RTF2: variants seen among roughly 807,000 people sequenced by gnomAD.
RTF2 encodes the protein UPF0549 protein C20orf43.
Under a neutral mutation model 38.0 loss-of-function variants are expected in RTF2, and 18 were observed. The ratio of observed to expected loss-of-function variants is 0.47; its 90% CI spans 0.33 to 0.70. The LOEUF is 0.70. Among genes scored for constraint, RTF2 ranks in the 30% least tolerant of loss-of-function variants. The probability of loss-of-function intolerance (pLI) is 0.02; values close to 1 mark genes in which losing one functional copy is unlikely to be tolerated. For missense variants in RTF2, 311 were observed against 379.6 expected (o/e 0.82, Z 1.50); for synonymous variants, 126 against 137.1 (o/e 0.92, Z 0.57).
intron 4 of RTF2, among the ~76,000 whole-genome samples, chr20:56,482,877 A>C (rs1982593228): frequency 6.6e-6 from 1 of 152,192 alleles, no homozygotes; most frequent in Admixed American, 6.5e-5. Context: ...TCCCTCCCCC[A>C]CACCACACAC....
chr20:56,488,765 A>C (rs1163253854), intron 5 of RTF2, among the ~76,000 whole-genome samples: 1 of 152,258 alleles, frequency 6.6e-6, no homozygotes, highest in African/African-American at 2.4e-5. Flanking sequence ...ACCCATCAAC[A>C]GACTGAGGGT....
intron 5 of RTF2, among the ~76,000 whole-genome samples, chr20:56,507,670 G>C (rs1255367754): frequency 2.6e-5 from 4 of 152,166 alleles, no homozygotes; most frequent in Admixed American, 6.5e-5. Flanking sequence ...AGCAAGGAGT[G>C]ATAGAAAGAA....
At chr20:56,469,350 C>T (rs569527769) in intron 1 of RTF2, among the ~76,000 whole-genome samples, 17 of 152,270 alleles carry the variant, frequency 1.1e-4, no homozygotes, top group African/African-American at 4.1e-4. Context: ...TGGTTCCTGG[C>T]ACACTAAATA....
intron 5 of RTF2, among the ~76,000 whole-genome samples, chr20:56,508,286 C>T (rs1984412139): frequency 6.6e-6 from 1 of 151,420 alleles, no homozygotes; most frequent in Non-Finnish European, 1.5e-5. Context: ...AAATCTTTGG[C>T]AACTTCAGGA....
At chr20:56,492,833 G>A (rs1396239918) in intron 5 of RTF2, among the ~76,000 whole-genome samples, 1 of 151,834 alleles carries the variant, frequency 6.6e-6, no homozygotes, top group Non-Finnish European at 1.5e-5. Flanking sequence ...TCTCTGCCCA[G>A]CTCCTTCCTG....
At chr20:56,505,000 A>C (rs1265050033) in intron 5 of RTF2, among the ~76,000 whole-genome samples, 1 of 152,220 alleles carries the variant, frequency 6.6e-6, no homozygotes, top group Non-Finnish European at 1.5e-5. Flanking sequence ...GGGTTGTGGC[A>C]TTCATGTGGC....
intron 6 of RTF2, among the ~76,000 whole-genome samples, chr20:56,514,545 C>T (rs1435826388): frequency 6.6e-6 from 1 of 152,002 alleles, no homozygotes; most frequent in Non-Finnish European, 1.5e-5. Context: ...TGATGGAGTA[C>T]CTGAAGATTT....
At chr20:56,488,145 G>C (rs995580886) in intron 5 of RTF2, among the ~76,000 whole-genome samples, 29 of 152,282 alleles carry the variant, frequency 1.9e-4, no homozygotes, top group African/African-American at 6.7e-4. Context: ...TGGATCACTT[G>C]AGGTCAGGAG....
In RTF2 at chr20:56,495,202, C is replaced by G. The variant is rs921626818; in HGVS notation, c.477+11013C>G. 2.6e-6 allele frequency: 4 copies of G among 1,546,154 alleles called. No homozygotes were observed. In the South Asian group the frequency reaches 4.8e-5, roughly 18 times the overall value. On this transcript the variant is annotated intron_variant, in intron 5 of 8. Coordinates refer to ENST00000357348, the MANE Select transcript of RTF2 (RefSeq NM_016407.5). ...TGTTTTGTTTTGTTTTTCTTTTTAC[C>G]TTTACATCCATCATGAACATTTCCT...
At chr20:56,472,022 G>A (rs1981997259) in intron 1 of RTF2, among the ~76,000 whole-genome samples, 1 of 151,000 alleles carries the variant, frequency 6.6e-6, no homozygotes, top group Non-Finnish European at 1.5e-5. Context: ...CTCAGCAGTT[G>A]GAGAACAGCC....
chr20:56,507,958 C>A (rs1380406247), intron 5 of RTF2, among the ~76,000 whole-genome samples: 1 of 152,230 alleles, frequency 6.6e-6, no homozygotes, highest in Non-Finnish European at 1.5e-5. Context: ...GTCCCTCCTC[C>A]TGTAGGCCCA....
chr20:56,487,654 C>G (rs34186790), intron 5 of RTF2, among the ~76,000 whole-genome samples: 3,440 of 152,286 alleles, frequency 0.023, 51 homozygotes, highest in Middle Eastern at 0.034. Context: ...ATACTCTGTG[C>G]TAGTTTGTTG....
chr20:56,477,034 A>G lies in RTF2; in HGVS notation c.308A>G (p.Lys103Arg), dbSNP rs559699688. ...LSDNPAWEGD[K>R]GNTKGDKHDD... is the part of the protein sequence containing the mutation. The stretch of plus-strand genomic sequence containing the variant: ...GATAATCCTGCCTGGGAAGGGGATA[A>G]AGGAAACACTAAAGGTGACAAGCAC... The change falls in exon 4 of 9, where the codon AAA (lysine) becomes AGA (arginine). Residue 103 changes from lysine to arginine, a missense_variant. Coordinates refer to ENST00000357348, the MANE Select transcript of RTF2 (RefSeq NM_016407.5). The G allele has an allele frequency of 1.2e-5, 19 of 1,614,166 alleles. No homozygotes were observed. In the East Asian group the frequency reaches 4.0e-4, roughly 34 times the overall value.
intron 4 of RTF2, among the ~76,000 whole-genome samples, chr20:56,480,906 C>G (rs542342495): frequency 6.6e-6 from 1 of 152,080 alleles, no homozygotes; most frequent in Admixed American, 6.5e-5. Context: ...CACAGATCAC[C>G]GTAACAGATG....
intron 6 of RTF2, chr20:56,516,712 G>T: frequency 1.7e-6 from 1 of 593,838 alleles, no homozygotes; most frequent in Non-Finnish European, 3.0e-6. Flanking sequence ...GCTCTGTGCA[G>T]ATACATTTTT....
intron 5 of RTF2, chr20:56,496,525 G>T: frequency 1.6e-6 from 2 of 1,220,368 alleles, no homozygotes; most frequent in Non-Finnish European, 2.2e-6. Flanking sequence ...TCCAGCCTCG[G>T]TGACCGTGTG....
chr20:56,500,066 T>G (rs927524965), intron 5 of RTF2, among the ~76,000 whole-genome samples: 1 of 151,678 alleles, frequency 6.6e-6, no homozygotes, highest in Non-Finnish European at 1.5e-5. Flanking sequence ...TCTGTTGTTT[T>G]TTTTTTAGGA....
chr20:56,513,576 T>C, intron 6 of RTF2, 148 bp downstream of exon 6: 1 of 995,968 alleles, frequency 1.0e-6, no homozygotes, highest in Non-Finnish European at 1.4e-6. Context: ...AGAAGCAGAT[T>C]CCAGCTGAGG....
intron 5 of RTF2, among the ~76,000 whole-genome samples, chr20:56,509,629 A>G (rs957298041): frequency 2.4e-4 from 35 of 147,666 alleles, no homozygotes; most frequent in Admixed American, 4.1e-4. Flanking sequence ...AAAAAAAAAG[A>G]AAAACGATGA....
Sources: allele counts gnomAD v4.1 joint callset (sites outside exome capture counted in the v4.1 genomes callset), GRCh38; gene constraint gnomAD v4.1.1; transcripts MANE v1.5; gene names NCBI Gene and HGNC (gene_info 2026-07-23, HGNC 2026-07-21).